CDH26: variants seen among roughly 807,000 people sequenced by gnomAD.
The protein encoded by CDH26 is cadherin-like protein 26.
CDH26 carries 83 observed loss-of-function variants against 90.3 expected under a neutral mutation model. The ratio of observed to expected loss-of-function variants is 0.92; its 90% CI spans 0.77 to 1.10. The LOEUF (loss-of-function observed/expected upper bound fraction) is 1.10. CDH26 is among the 50% of genes least tolerant of loss of function. The pLI is 0.00. For synonymous variants in CDH26, 397 were observed against 396.3 expected, an observed-to-expected ratio of 1.00 and a Z score of -0.02; for missense variants, 1,013 against 1,037.6, an observed-to-expected ratio of 0.98 and a Z score of 0.33.
chr20:60,027,910 G>A (rs1168393917), intron 7 of CDH26, among the ~76,000 whole-genome samples: 1 of 152,216 alleles, frequency 6.6e-6, no homozygotes, highest in Non-Finnish European at 1.5e-5. Context: ...ACATGCATTT[G>A]TAACAGATAA....
intron 14 of CDH26, among the ~76,000 whole-genome samples, chr20:60,000,948 C>T (rs186212257): frequency 2.0e-5 from 3 of 152,308 alleles, no homozygotes; most frequent in East Asian, 1.9e-4. Flanking sequence ...ATTATTGAAG[C>T]GTCACTATTA....
intron 4 of CDH26, among the ~76,000 whole-genome samples, chr20:59,980,778 A>G (rs1013758219): frequency 6.6e-6 from 1 of 152,162 alleles, no homozygotes; most frequent in Admixed American, 6.5e-5. Flanking sequence ...GATAAAATCC[A>G]ATTCATCAAT....
chr20:59,994,748 T>C (rs2061571178), intron 11 of CDH26, among the ~76,000 whole-genome samples: 1 of 152,080 alleles, frequency 6.6e-6, no homozygotes, highest in Non-Finnish European at 1.5e-5. Flanking sequence ...GACATATTCT[T>C]GCATCTGGCA....
At position 59,996,749 on chromosome 20, in the gene CDH26, C is replaced by T. The variant is rs2145999201; in HGVS notation, c.2007C>T (p.Gly669=). 3 of 1,614,202 alleles carry T rather than the reference C, an allele frequency of 1.9e-6. No homozygotes were observed. Among genetic ancestry groups the T allele is most frequent in the Non-Finnish European group, 1.7e-6 (2 of 1,180,034 alleles). Residue 669 remains glycine (G), a synonymous_variant, in exon 13 of 18, where the codon GGC becomes GGT. Transcript: ENST00000348616. ...TLVMYNAESK[G]TSAQTWSDVE... is the part of the protein sequence containing the mutation. ...TCATGTATAATGCGGAGAGCAAAGG[C>T]ACTTCAGCCCAGGTAGTGGAATGTC...
downstream of CDH26, among the ~76,000 whole-genome samples, chr20:60,034,456 C>T (rs1317093131): frequency 6.6e-6 from 1 of 152,188 alleles, no homozygotes; most frequent in Non-Finnish European, 1.5e-5. Flanking sequence ...CAGGAATGTT[C>T]CCTGGCCCTG....
At chr20:60,006,859 TG>T in intron 17 of CDH26, 72 bp downstream of exon 17, 1 of 1,122,836 alleles carries the variant, frequency 8.9e-7, no homozygotes, top group Middle Eastern at 2.0e-4. Context: ...AGGCTTGATT[TG>T]GGGACACTTC....
downstream of CDH26, among the ~76,000 whole-genome samples, chr20:60,015,141 C>T (rs191933375): frequency 3.9e-5 from 6 of 152,260 alleles, no homozygotes; most frequent in East Asian, 3.9e-4. Context: ...TGAGCCACCA[C>T]GCCCAGTTAA....
chr20:60,033,373 T>A lies in CDH26; in HGVS notation c.1144-113T>A. On this transcript the variant is annotated intron_variant, in intron 8 of 8. Coordinates refer to the CDH26 transcript ENST00000370991. ...CGTGTACACAGGCTGCCTTCCTTCA[T>A]GCATACATGCACGTGGCAAATACTT... is the stretch of plus-strand genomic sequence containing the variant. 3 of 1,210,280 alleles carry A rather than the reference T, an allele frequency of 2.5e-6. No individual in the cohort carries two copies. In the South Asian group the frequency reaches 4.5e-5, roughly 18 times the overall value. The allele number at this position is 1,210,280 out of a possible 1,614,324, so 75.0% of individuals were successfully genotyped here.
intron 4 of CDH26, among the ~76,000 whole-genome samples, chr20:59,976,381 A>G (rs1321746126): frequency 6.6e-6 from 1 of 152,230 alleles, no homozygotes; most frequent in Non-Finnish European, 1.5e-5. Flanking sequence ...CATCTTGCCA[A>G]AGAATAAACA....
exon 9 of CDH26, chr20:60,033,793 G>GTGTGTGTGTGTGTA: frequency 8.5e-7 from 1 of 1,173,074 alleles, no homozygotes; most frequent in Non-Finnish European, 1.1e-6. Flanking sequence ...GTGTGTGTGT[G>GTGTGTGTGTGTGTA]TGTGTGTGTG....
In CDH26 at chr20:60,013,780, T is replaced by C. The variant is rs1383664578; in HGVS notation, c.*1050T>C. On this transcript the variant is annotated 3_prime_UTR_variant, in exon 18 of 18. Coordinates refer to ENST00000348616, the MANE Select transcript of CDH26 (RefSeq NM_177980.4). ...GAGTTACAGCTCAGAGTTAAAACTT[T>C]CTCCTTCTTTTTGAAGAAGCTGTGC... 1 of 148,784 alleles carries C rather than the reference T, an allele frequency of 6.7e-6. No individual in the cohort carries two copies. Among genetic ancestry groups the C allele is most frequent in the Admixed American group, 7.0e-5 (1 of 14,302 alleles). The allele number at this position is 148,784 out of a possible 1,614,324, so 9.2% of individuals were successfully genotyped here. A position where few individuals can be genotyped will look rare whatever the true frequency, so the allele number is the denominator to read the frequency against.
At chr20:60,024,979 C>T (rs12625328) in intron 7 of CDH26, among the ~76,000 whole-genome samples, 66,689 of 152,020 alleles carry the variant, frequency 0.44, 15,023 homozygotes, top group Non-Finnish European at 0.47. Context: ...TCCTCCCTCT[C>T]CCTGCAGGCT....
intron 7 of CDH26, among the ~76,000 whole-genome samples, chr20:60,020,327 A>G (rs1033058188): frequency 2.0e-5 from 3 of 152,114 alleles, no homozygotes; most frequent in African/African-American, 7.2e-5. Flanking sequence ...ATGGGGGCAC[A>G]TGGTTTCTCG....
chr20:59,982,912 C>G lies in CDH26; in HGVS notation c.394-11C>G. 1.2e-6 allele frequency: 2 copies of G among 1,611,600 alleles called. No homozygotes were observed. The highest frequency in any genetic ancestry group is 1.3e-5 in the African/African-American group (1 of 74,854). ...GGTTCTGCAGGATTTTTACAGCTCT[C>G]TGCTTCCTAGGTTTATTTTGATGTT... On this transcript the variant is annotated splice_polypyrimidine_tract_variant and intron_variant, in intron 4 of 17. Coordinates refer to ENST00000348616, the MANE Select transcript of CDH26 (RefSeq NM_177980.4).
chr20:60,012,594 G>T lies in CDH26; in HGVS notation c.2363G>T (p.Gly788Val). ...GYLPHVYSEE[G>V]ECGGAPSLSS... is the part of the protein sequence containing the mutation. The stretch of plus-strand genomic sequence containing the variant: ...CTACCTCACGTCTACAGCGAGGAAG[G>T]GGAGTGTGGAGGGGCCCCATCCCTC... The change falls in exon 18 of 18, where the codon GGG becomes GTG. Residue 788 changes from glycine (G) to valine (V), a missense_variant. By Grantham distance (109) the Gly-to-Val change is moderately radical. Coordinates refer to ENST00000348616, the MANE Select transcript of CDH26 (RefSeq NM_177980.4). 1 of 1,614,200 alleles carries T rather than the reference G, an allele frequency of 6.2e-7. No individual in the cohort carries two copies. Among genetic ancestry groups the T allele is most frequent in the Non-Finnish European group, 8.5e-7 (1 of 1,180,040 alleles).
intron 9 of CDH26, among the ~76,000 whole-genome samples, chr20:59,991,769 T>G (rs2061530751): frequency 6.6e-6 from 1 of 152,172 alleles, no homozygotes; most frequent in Non-Finnish European, 1.5e-5. Flanking sequence ...CCTGCTGCGG[T>G]GCCCTCAACA....
chr20:59,996,841 T>A, intron 13 of CDH26, 80 bp downstream of exon 13: 2 of 1,559,146 alleles, frequency 1.3e-6, no homozygotes, highest in Non-Finnish European at 1.8e-6. Context: ...TTTCCCCCCA[T>A]TGTGCCACCT....
chr20:60,010,566 C>T (rs2061822768), intron 17 of CDH26, among the ~76,000 whole-genome samples: 1 of 152,172 alleles, frequency 6.6e-6, no homozygotes, highest in South Asian at 2.1e-4. Context: ...AGAGAGATGA[C>T]TTGGGTCCTG....
At position 60,014,084 on chromosome 20, in the gene CDH26, T is replaced by C. The variant is rs2061883169; in HGVS notation, c.*1354T>C. The C allele has an allele frequency of 6.6e-6, 1 of 152,174 alleles. No homozygotes were observed. The highest frequency in any genetic ancestry group is 2.1e-4 in the South Asian group (1 of 4,828). 9.4% of individuals were successfully genotyped at this position (152,174 alleles called of 1,614,324 possible). On this transcript the variant is annotated 3_prime_UTR_variant, in exon 18 of 18. Coordinates refer to ENST00000348616, the MANE Select transcript of CDH26 (RefSeq NM_177980.4). ...GTAAACATTAGTTTATTCGATTGCC[T>C]CCTTATACTTGCCTCTTTCATTCTG...
Sources: allele counts gnomAD v4.1 joint callset (sites outside exome capture counted in the v4.1 genomes callset), GRCh38; gene constraint gnomAD v4.1.1; transcripts MANE v1.5; gene names NCBI Gene and HGNC (gene_info 2026-07-23, HGNC 2026-07-21).